ZFYVE9: variants seen among roughly 807,000 people sequenced by gnomAD.
The protein encoded by ZFYVE9 is zinc finger FYVE-type containing 9, also known as zinc finger FYVE domain-containing protein 9.
ZFYVE9 carries 43 observed loss-of-function variants against 126.7 expected under a neutral mutation model. That is an observed-to-expected ratio of 0.34 (90% confidence interval 0.27 to 0.44). The LOEUF (loss-of-function observed/expected upper bound fraction) is 0.44. Ranked by LOEUF, ZFYVE9 falls within the 20% of genes least tolerant of loss-of-function variation. The pLI, the probability that ZFYVE9 is intolerant of heterozygous loss-of-function variation, is 1.00. For missense variants in ZFYVE9, 1,476 were observed against 1,697.0 expected (o/e 0.87, Z 2.29); for synonymous variants, 521 against 597.4 (o/e 0.87, Z 1.87).
intron 4 of ZFYVE9, among the ~76,000 whole-genome samples, chr1:52,263,059 A>G (rs1165541318): frequency 6.7e-6 from 1 of 149,512 alleles, no homozygotes; most frequent in East Asian, 2.0e-4. Flanking sequence ...AGCCTGGGCC[A>G]CAGAGTCAAA....
At chr1:52,155,259 G>A (rs1344870418) in intron 1 of ZFYVE9, among the ~76,000 whole-genome samples, 3 of 138,498 alleles carry the variant, frequency 2.2e-5, no homozygotes, top group Non-Finnish European at 4.6e-5. Context: ...TTTTTGAGAC[G>A]GAGTCTCGCT....
Position 52,337,946 on chromosome 1 carries a change from A to C in ZFYVE9, c.3833+12A>C, listed in dbSNP as rs755051430. 7 of 1,612,438 alleles carry C rather than the reference A, an allele frequency of 4.3e-6. No homozygotes were observed. The highest frequency in any genetic ancestry group is 1.6e-4 in the Middle Eastern group (1 of 6,082). ...AACGTTAGCAAGGGGTAAATGCAGC[A>C]CATGTCCCCCTTTGTGGCTTTTAGT... is the stretch of plus-strand genomic sequence containing the variant. On this transcript the variant is annotated intron_variant, in intron 16 of 18. Transcript: ENST00000287727.
chr1:52,336,947 TA>T (rs71041896), intron 15 of ZFYVE9, among the ~76,000 whole-genome samples: 49 of 107,842 alleles, frequency 4.5e-4, no homozygotes, highest in African/African-American at 1.1e-3. Context: ...AGTCATCTCT[TA>T]AAAAAAAAAA....
chr1:52,254,765 G>C (rs113000159), intron 4 of ZFYVE9, among the ~76,000 whole-genome samples: 1 of 151,846 alleles, frequency 6.6e-6, no homozygotes, highest in Non-Finnish European at 1.5e-5. Flanking sequence ...TCAGGAGTTC[G>C]AGACCAGCCC....
rs777897262 is a variant in ZFYVE9 at position 52,293,607 on chromosome 1, G to T, written c.3180G>T (p.Gln1060His). ...CTTACTTGTTTGGGATTCTTATCCA[G>T]AAATGGGAAACTCCTTGGGCTAAAG... Reference protein sequence around the residue: ...TPPYLFGILIQKWETPWAKVF... With the variant: ...TPPYLFGILIHKWETPWAKVF... The change falls in exon 11 of 19, where the codon CAG (glutamine) becomes CAT (histidine). Residue 1060 changes from glutamine to histidine, a missense_variant. Physicochemically the swap from Gln to His is conservative, Grantham distance 24. Transcript: ENST00000287727. 50 of 1,613,934 alleles carry T rather than the reference G, an allele frequency of 3.1e-5. No homozygotes were observed. The Admixed American group carries it at 5.3e-4, about 17-fold the overall frequency.
chr1:52,344,117 G>T (rs1038723506), intron 17 of ZFYVE9, among the ~76,000 whole-genome samples: 14 of 151,604 alleles, frequency 9.2e-5, no homozygotes, highest in African/African-American at 3.4e-4. Context: ...GTCCTCTAAC[G>T]GACTTGCTCA....
chr1:52,218,244 G>A (rs934893636), intron 2 of ZFYVE9, among the ~76,000 whole-genome samples: 1 of 152,148 alleles, frequency 6.6e-6, no homozygotes, highest in African/African-American at 2.4e-5. Flanking sequence ...TTGCTTGGCA[G>A]TGTACCAAAT....
intron 1 of ZFYVE9, among the ~76,000 whole-genome samples, chr1:52,181,798 G>A (rs977485512): frequency 4.0e-5 from 6 of 151,290 alleles, no homozygotes; most frequent in Non-Finnish European, 8.8e-5. Context: ...GGTGAGGAGC[G>A]TCTCTGGCTG....
intron 13 of ZFYVE9, among the ~76,000 whole-genome samples, chr1:52,330,453 TTA>T (rs1646330569): frequency 6.6e-6 from 1 of 152,192 alleles, no homozygotes. Context: ...TATTTCCTGA[TTA>T]TATGCTAAAC....
At chr1:52,303,350 C>G (rs986877675) in intron 12 of ZFYVE9, among the ~76,000 whole-genome samples, 4 of 152,248 alleles carry the variant, frequency 2.6e-5, no homozygotes, top group African/African-American at 9.6e-5. Flanking sequence ...TTGAGTCCAC[C>G]ACTCTTGTTC....
At chr1:52,210,627 G>T (rs1645019410) in intron 1 of ZFYVE9, among the ~76,000 whole-genome samples, 1 of 152,142 alleles carries the variant, frequency 6.6e-6, no homozygotes, top group Non-Finnish European at 1.5e-5. Flanking sequence ...TCTGGGGATT[G>T]ATTGGGCTTA....
intron 13 of ZFYVE9, among the ~76,000 whole-genome samples, chr1:52,332,101 A>G (rs1207862408): frequency 6.6e-6 from 1 of 152,150 alleles, no homozygotes; most frequent in Non-Finnish European, 1.5e-5. Context: ...ATAGAAATAA[A>G]TAACAACAAA....
intron 4 of ZFYVE9, among the ~76,000 whole-genome samples, chr1:52,240,083 G>T (rs1277318686): frequency 3.3e-5 from 5 of 152,042 alleles, no homozygotes; most frequent in Non-Finnish European, 7.4e-5. Flanking sequence ...AAAACATTCT[G>T]GAACTCTTTA....
intron 17 of ZFYVE9, among the ~76,000 whole-genome samples, chr1:52,343,938 G>A (rs957615832): frequency 1.3e-5 from 2 of 152,012 alleles, no homozygotes; most frequent in Admixed American, 1.3e-4. Context: ...CAGGCATGGC[G>A]GCACATGCCT....
chr1:52,253,419 T>G lies in ZFYVE9; in HGVS notation c.2179-10354T>G, dbSNP rs190702810. 3.9e-5 allele frequency among the ~76,000 whole-genome samples: 6 copies of G among 152,276 alleles called. No individual in the cohort carries two copies. The East Asian group carries it at 9.6e-4, about 24-fold the overall frequency. On this transcript the variant is annotated intron_variant, in intron 4 of 18. Coordinates refer to ENST00000287727, the MANE Select transcript of ZFYVE9 (RefSeq NM_004799.4). Reference sequence around the variant, plus strand: ...AGGTAGAAATTAAAATTTTTAAAATTTTATGCCTATATAACAAAAAATAGA... The same window carrying G: ...AGGTAGAAATTAAAATTTTTAAAATGTTATGCCTATATAACAAAAAATAGA...
intron 13 of ZFYVE9, among the ~76,000 whole-genome samples, chr1:52,326,679 T>G (rs1250110532): frequency 1.6e-5 from 2 of 124,864 alleles, no homozygotes; most frequent in Non-Finnish European, 3.2e-5. Context: ...TGAAACCCTG[T>G]CTCTACTCAA....
At chr1:52,281,081 TTTA>T (rs1414407650) in intron 9 of ZFYVE9, among the ~76,000 whole-genome samples, 74 of 151,902 alleles carry the variant, frequency 4.9e-4, no homozygotes, top group African/African-American at 1.6e-3. Context: ...TTAAGTGCGT[TTTA>T]TTATTATTTC....
intron 4 of ZFYVE9, among the ~76,000 whole-genome samples, chr1:52,255,958 C>CTTTTCTT (rs1327249628): frequency 1.2e-5 from 1 of 83,270 alleles, no homozygotes; most frequent in Non-Finnish European, 2.4e-5. Flanking sequence ...CTTTTCTTTT[C>CTTTTCTT]TTTTCTTTTC....
intron 1 of ZFYVE9, among the ~76,000 whole-genome samples, chr1:52,174,290 C>T (rs921354658): frequency 7.2e-5 from 11 of 151,818 alleles, no homozygotes; most frequent in African/African-American, 2.4e-4. Flanking sequence ...GCAGGTTGTT[C>T]AGTTTCCATG....
Sources: allele counts gnomAD v4.1 joint callset (sites outside exome capture counted in the v4.1 genomes callset), GRCh38; gene constraint gnomAD v4.1.1; transcripts MANE v1.5; gene names NCBI Gene and HGNC (gene_info 2026-07-23, HGNC 2026-07-21).